DARS2: variants seen among roughly 807,000 people sequenced by gnomAD.
DARS2 encodes the protein aspartate--tRNA ligase, mitochondrial.
In DARS2, 63 loss-of-function variants were observed where a neutral mutation model predicts 83.0. That is an observed-to-expected ratio of 0.76 (90% confidence interval 0.62 to 0.94). DARS2 has a LOEUF of 0.94. Ranked by LOEUF, DARS2 falls within the 40% of genes least tolerant of loss-of-function variation. The pLI, the probability that DARS2 is intolerant of heterozygous loss-of-function variation, is 0.00. For missense variants in DARS2, 675 were observed against 774.4 expected (o/e 0.87, Z 1.52); for synonymous variants, 250 against 269.3 (o/e 0.93, Z 0.70).
At position 173,825,190 on chromosome 1, in the gene DARS2, G is replaced by C. The variant is rs746416282; in HGVS notation, c.-40G>C. ...ACTGACTTTTAACTACCGGCAGCGT[G>C]GGATTTCGTGATTGTTTTTCGCCAT... is the stretch of plus-strand genomic sequence containing the variant. On this transcript the variant is annotated 5_prime_UTR_variant, in exon 1 of 17. Transcript: ENST00000649689. 20 of 1,604,338 alleles carry C rather than the reference G, an allele frequency of 1.2e-5. No individual in the cohort carries two copies. The highest frequency in any genetic ancestry group is 1.6e-5 in the Non-Finnish European group (19 of 1,173,670).
chr1:173,825,949 G>A (rs1161095018), intron 1 of DARS2, among the ~76,000 whole-genome samples: 10 of 151,332 alleles, frequency 6.6e-5, no homozygotes, highest in Non-Finnish European at 1.3e-4. Flanking sequence ...TCGGCCGGGC[G>A]CGGTGGCTCA....
At chr1:173,853,317 G>A (rs1653743456) in intron 13 of DARS2, 32 bp from the exon 14 acceptor site, 1 of 1,604,974 alleles carries the variant, frequency 6.2e-7, no homozygotes, top group Non-Finnish European at 8.5e-7. Flanking sequence ...CTGTCAAGAA[G>A]TTAACTCAAT....
chr1:173,835,383 G>A (rs998632659), intron 7 of DARS2, among the ~76,000 whole-genome samples: 7 of 146,504 alleles, frequency 4.8e-5, no homozygotes, highest in African/African-American at 1.2e-4. Flanking sequence ...GAGCCACCGC[G>A]CCCAGCCAAT....
intron 1 of DARS2, among the ~76,000 whole-genome samples, chr1:173,826,274 G>T (rs1266051894): frequency 6.6e-6 from 1 of 151,838 alleles, no homozygotes; most frequent in East Asian, 1.9e-4. Context: ...GTTTTCTAGT[G>T]TACAAGTGGC....
intron 15 of DARS2, 64 bp from the exon 16 acceptor site, chr1:173,856,602 C>G: frequency 2.1e-6 from 3 of 1,413,590 alleles, no homozygotes; most frequent in Non-Finnish European, 3.0e-6. Flanking sequence ...TCATCTAAGC[C>G]TAGATGGTGG....
intron 11 of DARS2, among the ~76,000 whole-genome samples, chr1:173,842,195 T>C (rs1320486791): frequency 6.6e-6 from 1 of 151,756 alleles, no homozygotes; most frequent in Non-Finnish European, 1.5e-5. Context: ...TTAAATAAGA[T>C]TATGATTTTG....
chr1:173,837,132 T>G, intron 8 of DARS2, 86 bp downstream of exon 8: 2 of 1,195,298 alleles, frequency 1.7e-6, no homozygotes, highest in Non-Finnish European at 2.5e-6. Context: ...CTCTCTGTTC[T>G]CAAGAGAAGG....
chr1:173,847,842 AC>A (rs1249341172), intron 12 of DARS2, among the ~76,000 whole-genome samples: 2 of 138,918 alleles, frequency 1.4e-5, no homozygotes, highest in African/African-American at 5.4e-5. Flanking sequence ...GTCTTTCTGA[AC>A]CTTTTTTTTT....
At chr1:173,827,492 G>C (rs780159901) in intron 2 of DARS2, among the ~76,000 whole-genome samples, 2 of 152,134 alleles carry the variant, frequency 1.3e-5, no homozygotes, top group Admixed American at 6.5e-5. Context: ...TTCGCCAGGC[G>C]GGGTGATGCT....
Position 173,839,554 on chromosome 1 carries a change from T to C in DARS2, c.1020+8T>C, listed in dbSNP as rs759040088. 4 of 1,612,784 alleles carry C rather than the reference T, an allele frequency of 2.5e-6. No individual in the cohort carries two copies. The highest frequency in any genetic ancestry group is 2.7e-5 in the African/African-American group (2 of 74,922). ...ACTCGCTTTGGAATGAAGGTACTTATCTTCACTTTTCTAGGACTCTGTCCC... is the reference window on the plus strand; with the variant it reads ...ACTCGCTTTGGAATGAAGGTACTTACCTTCACTTTTCTAGGACTCTGTCCC... On this transcript the variant is annotated splice_region_variant and intron_variant, in intron 10 of 16. Coordinates refer to ENST00000649689, the MANE Select transcript of DARS2 (RefSeq NM_018122.5).
At chr1:173,833,074 T>C (rs1397152392) in intron 5 of DARS2, among the ~76,000 whole-genome samples, 4 of 152,186 alleles carry the variant, frequency 2.6e-5, no homozygotes, top group Non-Finnish European at 5.9e-5. Context: ...AAGAGACCTT[T>C]GAAATCTTTA....
At chr1:173,825,531 C>T (rs1434671654) in intron 1 of DARS2, among the ~76,000 whole-genome samples, 175 bp downstream of exon 1, 3 of 151,284 alleles carry the variant, frequency 2.0e-5, no homozygotes, top group Non-Finnish European at 2.9e-5. Context: ...TGAAGTGGCG[C>T]GATCTCCGCT....
rs774683922 is a variant in DARS2, at chr1:173,853,334, G to C, written c.1345-15G>C. The stretch of plus-strand genomic sequence containing the variant: ...GTCAAGAAGTTAACTCAATGTTTAC[G>C]TCTTCTGTTTGCAGTGCTCTTTGTT... On this transcript the variant is annotated splice_polypyrimidine_tract_variant and intron_variant, in intron 13 of 16. Coordinates refer to ENST00000649689, the MANE Select transcript of DARS2 (RefSeq NM_018122.5). 1.2e-6 allele frequency: 2 copies of C among 1,610,520 alleles called. No individual in the cohort carries two copies. The highest frequency in any genetic ancestry group is 2.2e-5 in the South Asian group (2 of 90,990).
At chr1:173,835,209 C>T (rs1652958470) in intron 7 of DARS2, among the ~76,000 whole-genome samples, 1 of 151,218 alleles carries the variant, frequency 6.6e-6, no homozygotes, top group Non-Finnish European at 1.5e-5. Flanking sequence ...TCTGCCTCAG[C>T]CTCCCAAGTA....
At chr1:173,830,465 T>G (rs1306260599) in intron 3 of DARS2, among the ~76,000 whole-genome samples, 195 bp from the exon 4 acceptor site, 5 of 152,234 alleles carry the variant, frequency 3.3e-5, no homozygotes. Flanking sequence ...ATAGTTTTAC[T>G]TGCTGTATTA....
intron 11 of DARS2, among the ~76,000 whole-genome samples, chr1:173,844,534 G>A (rs965748043): frequency 2.6e-5 from 4 of 151,530 alleles, no homozygotes; most frequent in Admixed American, 6.6e-5. Flanking sequence ...GCCAGGTGTG[G>A]TGGTGGGCAC....
At chr1:173,846,759 G>A (rs1269761752) in intron 12 of DARS2, among the ~76,000 whole-genome samples, 8 of 151,988 alleles carry the variant, frequency 5.3e-5, no homozygotes, top group Non-Finnish European at 1.0e-4. Context: ...TCACCCCACC[G>A]CACTCCAGCC....
intron 12 of DARS2, among the ~76,000 whole-genome samples, chr1:173,847,169 A>G (rs1055179506): frequency 7.9e-5 from 12 of 152,200 alleles, no homozygotes; most frequent in African/African-American, 2.9e-4. Context: ...CAGAAAAGTC[A>G]GGGCAATATA....
At chr1:173,843,174 A>G (rs1302858953) in intron 11 of DARS2, among the ~76,000 whole-genome samples, 2 of 152,134 alleles carry the variant, frequency 1.3e-5, no homozygotes, top group African/African-American at 4.8e-5. Context: ...GGCATATGGG[A>G]GAAATAAGAT....
Sources: allele counts gnomAD v4.1 joint callset (sites outside exome capture counted in the v4.1 genomes callset), GRCh38; gene constraint gnomAD v4.1.1; transcripts MANE v1.5; gene names NCBI Gene and HGNC (gene_info 2026-07-23, HGNC 2026-07-21).